CCDC170: variants seen among roughly 807,000 people sequenced by gnomAD.
CCDC170 encodes the protein coiled-coil domain containing 170.
CCDC170 carries 69 observed loss-of-function variants against 72.6 expected under a neutral mutation model. That is an observed-to-expected ratio of 0.95 (90% CI 0.78 to 1.16). The LOEUF is 1.16. CCDC170 is among the 50% of genes most tolerant of loss of function. CCDC170 has a pLI of 0.00. For missense variants in CCDC170, 852 were observed against 832.5 expected, an observed-to-expected ratio of 1.02 and a Z score of -0.29; for synonymous variants, 300 against 303.9, an observed-to-expected ratio of 0.99 and a Z score of 0.13.
chr6:151,500,691 C>A (rs1203512272), intron 1 of CCDC170, among the ~76,000 whole-genome samples: 1 of 151,962 alleles, frequency 6.6e-6, no homozygotes, highest in Non-Finnish European at 1.5e-5. Context: ...TAAAGAGAGT[C>A]ACTAAATAAT....
At position 151,615,650 on chromosome 6, in the gene CCDC170, C is replaced by T; in HGVS notation, c.1918C>T (p.Leu640=). 6.2e-7 allele frequency: 1 copy of T among 1,613,782 alleles called. No individual in the cohort carries two copies. Among genetic ancestry groups the T allele is most frequent in the South Asian group, 1.1e-5 (1 of 91,004 alleles). Residue 640 remains leucine, a synonymous_variant, in exon 10 of 11, where the codon CTG becomes TTG. Coordinates refer to ENST00000239374, the MANE Select transcript of CCDC170 (RefSeq NM_025059.4). ...TSEMKTLKKS[L]EEAEKREKQL... ...TGAAATGAAGACACTAAAAAAATCTCTGGAAGAAGCAGAAAAGAGAGAAAA... is the reference window on the plus strand; with the variant it reads ...TGAAATGAAGACACTAAAAAAATCTTTGGAAGAAGCAGAAAAGAGAGAAAA...
At chr6:151,516,951 G>A (rs1782244234) in intron 1 of CCDC170, among the ~76,000 whole-genome samples, 1 of 152,158 alleles carries the variant, frequency 6.6e-6, no homozygotes, top group Non-Finnish European at 1.5e-5. Flanking sequence ...TTTCCTTTTG[G>A]CACAACTGCC....
intron 6 of CCDC170, among the ~76,000 whole-genome samples, chr6:151,575,337 A>C (rs761094532): frequency 6.6e-6 from 1 of 151,204 alleles, no homozygotes; most frequent in African/African-American, 2.4e-5. Flanking sequence ...TAGTGATAGT[A>C]AATTCCCTTT....
chr6:151,586,592 G>A lies in CCDC170; in HGVS notation c.1293+503G>A, dbSNP rs1224595098. ...TGAAGAAAGGCATGAAATCTGGCAA[G>A]TGCATAGTATATTCAGAGGACGCAA... On this transcript the variant is annotated intron_variant, in intron 7 of 10. Transcript: ENST00000239374. Among the ~76,000 whole-genome samples the A allele has an allele frequency of 3.3e-5, 5 of 151,798 alleles. No individual in the cohort carries two copies. In the East Asian group the frequency reaches 9.7e-4, roughly 30 times the overall value.
chr6:151,525,494 A>G (rs899040332), intron 1 of CCDC170, among the ~76,000 whole-genome samples: 1 of 152,086 alleles, frequency 6.6e-6, no homozygotes, highest in African/African-American at 2.4e-5. Context: ...CACCCTTGGG[A>G]TAATGTACTT....
chr6:151,533,275 C>T (rs562705299), intron 1 of CCDC170, among the ~76,000 whole-genome samples: 12 of 151,698 alleles, frequency 7.9e-5, no homozygotes, highest in South Asian at 2.1e-4. Context: ...AGGATGGTCT[C>T]GATCTCCTGA....
At chr6:151,566,546 C>A (rs1326728941) in intron 5 of CCDC170, among the ~76,000 whole-genome samples, 1 of 152,010 alleles carries the variant, frequency 6.6e-6, no homozygotes, top group Non-Finnish European at 1.5e-5. Flanking sequence ...ATAAGATACA[C>A]CAAGCACAAG....
At position 151,520,015 on chromosome 6, in the gene CCDC170, T is replaced by C. The variant is rs377397819; in HGVS notation, c.58-16303T>C. On this transcript the variant is annotated intron_variant, in intron 1 of 10. Coordinates refer to ENST00000239374, the MANE Select transcript of CCDC170 (RefSeq NM_025059.4). ...TATGATCTCCTATCTCATCCTGTGA[T>C]AAAGAATGCCTAACCTCTGGGAGAT... 2.3e-4 allele frequency among the ~76,000 whole-genome samples: 35 copies of C among 152,324 alleles called. No homozygotes were observed. The East Asian group carries it at 3.5e-3, about 15-fold the overall frequency.
Position 151,593,125 on chromosome 6 carries a change from C to T in CCDC170, c.1312C>T (p.Gln438Ter). Residue 438 changes from glutamine (Q) to a stop codon, truncating the protein, a stop_gained, in exon 8 of 11, where the codon CAG becomes TAG. Transcript: ENST00000239374. LOFTEE classifies it high-confidence loss of function. ...EKQKYLKFLD[Q>*]LSQKMKLDQM... ...GGTTTAGTATCTTAAATTTCTGGAT[C>T]AGCTTTCTCAGAAAATGAAGTTGGA... is the stretch of plus-strand genomic sequence containing the variant. 1 of 1,614,140 alleles carries T rather than the reference C, an allele frequency of 6.2e-7. No homozygotes were observed. The highest frequency in any genetic ancestry group is 8.5e-7 in the Non-Finnish European group (1 of 1,180,024).
chr6:151,615,609 T>C lies in CCDC170; in HGVS notation c.1877T>C (p.Ile626Thr), dbSNP rs1776953010. 3.1e-6 allele frequency: 5 copies of C among 1,613,098 alleles called. No homozygotes were observed. The highest frequency in any genetic ancestry group is 3.4e-6 in the Non-Finnish European group (4 of 1,179,218). ...KENKERARNM[I>T]EVVTSEMKTL... The stretch of plus-strand genomic sequence containing the variant: ...AATAAAGAAAGGGCCAGAAACATGA[T>C]AGAAGTGGTAACCAGTGAAATGAAG... Residue 626 changes from isoleucine to threonine, a missense_variant, in exon 10 of 11, where the codon ATA becomes ACA. Coordinates refer to ENST00000239374, the MANE Select transcript of CCDC170 (RefSeq NM_025059.4).
At chr6:151,575,525 C>CTTTTTTTTTTTT (rs869185539) in intron 6 of CCDC170, among the ~76,000 whole-genome samples, 35 of 79,664 alleles carry the variant, frequency 4.4e-4, no homozygotes, top group East Asian at 9.1e-4. Context: ...TCTTTTCTTT[C>CTTTTTTTTTTTT]TTTTTTTTTT....
chr6:151,589,939 G>A (rs1242877831), intron 7 of CCDC170, among the ~76,000 whole-genome samples: 2 of 151,976 alleles, frequency 1.3e-5, no homozygotes, highest in African/African-American at 2.4e-5. Flanking sequence ...CGGTGATTAC[G>A]GAGCCTAAAG....
rs1256056654 is a variant in CCDC170 at position 151,620,242 on chromosome 6, A to C, written c.*2095A>C. The stretch of plus-strand genomic sequence containing the variant: ...AGAAAGAAAGAAACAGAAAAACCTA[A>C]AAGAAAGCGAATGAATTTGACACCT... On this transcript the variant is annotated 3_prime_UTR_variant, in exon 11 of 11. Transcript: ENST00000239374. 1 of 152,036 alleles carries C rather than the reference A, an allele frequency of 6.6e-6. No individual in the cohort carries two copies. The highest frequency in any genetic ancestry group is 2.4e-5 in the African/African-American group (1 of 41,496). 9.4% of individuals were successfully genotyped at this position (152,036 alleles called of 1,614,324 possible).
At chr6:151,512,620 C>T (rs1562267323) in intron 1 of CCDC170, among the ~76,000 whole-genome samples, 1 of 152,074 alleles carries the variant, frequency 6.6e-6, no homozygotes, top group Non-Finnish European at 1.5e-5. Context: ...TTACTCGTTG[C>T]CTGTGGGTCC....
Position 151,538,153 on chromosome 6 carries a change from A to G in CCDC170, c.295A>G (p.Thr99Ala). 1 of 1,613,994 alleles carries G rather than the reference A, an allele frequency of 6.2e-7. No individual in the cohort carries two copies. ...CAATGCCAGAAAATCATCTCTCCTT[A>G]CCTCTTTGAGAGACAGAGTTCAGGA... ...ENNARKSSLLTSLRDRVQELE... is the reference protein window; with the variant it reads ...ENNARKSSLLASLRDRVQELE... Residue 99 changes from threonine to alanine, a missense_variant, in exon 3 of 11, where the codon ACC (threonine) becomes GCC (alanine). Thr to Ala is a moderately conservative substitution (Grantham distance 58). Coordinates refer to ENST00000239374, the MANE Select transcript of CCDC170 (RefSeq NM_025059.4).
chr6:151,607,941 A>G (rs1583049559), intron 9 of CCDC170, among the ~76,000 whole-genome samples: 2 of 152,110 alleles, frequency 1.3e-5, no homozygotes, highest in South Asian at 2.1e-4. Flanking sequence ...TGTGTTTTCC[A>G]TCCCTTTTCC....
chr6:151,580,677 C>A (rs1484137833), intron 6 of CCDC170, among the ~76,000 whole-genome samples: 2 of 152,116 alleles, frequency 1.3e-5, no homozygotes, highest in African/African-American at 4.8e-5. Context: ...ATTTCAAGCA[C>A]ACACACAGAA....
intron 9 of CCDC170, among the ~76,000 whole-genome samples, chr6:151,606,860 T>G (rs1383305700): frequency 6.6e-6 from 1 of 152,204 alleles, no homozygotes; most frequent in Non-Finnish European, 1.5e-5. Flanking sequence ...TTTTCATCAT[T>G]ATATAATCAC....
intron 6 of CCDC170, among the ~76,000 whole-genome samples, chr6:151,576,385 C>T (rs1776304519): frequency 6.6e-6 from 1 of 151,912 alleles, no homozygotes; most frequent in African/African-American, 2.4e-5. Context: ...CGTCGAGGAG[C>T]ATCTGTACTT....
Sources: allele counts gnomAD v4.1 joint callset (sites outside exome capture counted in the v4.1 genomes callset), GRCh38; gene constraint gnomAD v4.1.1; transcripts MANE v1.5; gene names NCBI Gene and HGNC (gene_info 2026-07-23, HGNC 2026-07-21).